Variants in PNLIP observed in about 807,000 individuals in gnomAD.
PNLIP encodes pancreatic triacylglycerol lipase.
A neutral mutation model predicts 57.1 loss-of-function variants in PNLIP; 49 were observed. The observed-to-expected ratio is 0.86, with a 90% CI of 0.68 to 1.09. The LOEUF is 1.09. PNLIP is among the 50% of genes least tolerant of loss of function. The probability of loss-of-function intolerance (pLI) is 0.00; values close to 1 mark genes in which losing one functional copy is unlikely to be tolerated. For synonymous variants in PNLIP, 209 were observed against 200.4 expected (o/e 1.04, Z -0.36); for missense variants, 503 against 570.2 (o/e 0.88, Z 1.20).
intron 4 of PNLIP, among the ~76,000 whole-genome samples, chr10:116,549,322 A>T (rs191326342): frequency 9.0e-4 from 136 of 151,830 alleles, no homozygotes; most frequent in African/African-American, 3.1e-3. Flanking sequence ...CTAAAACTAT[A>T]AAAAAAATTA....
At position 116,551,406 on chromosome 10, in the gene PNLIP, A is replaced by G. The variant is rs114221536; in HGVS notation, c.459+174A>G. The G allele has an allele frequency of 6.4e-3, 2,745 of 429,506 alleles. 67 individuals carry two copies. Among genetic ancestry groups the G allele is most frequent in the African/African-American group, 0.051 (2,488 of 49,196 alleles). 26.6% of individuals were successfully genotyped at this position (429,506 alleles called of 1,614,324 possible). On this transcript the variant is annotated intron_variant, in intron 5 of 12. Coordinates refer to ENST00000369221, the MANE Select transcript of PNLIP (RefSeq NM_000936.4). Reference sequence around the variant, plus strand: ...TAAAAAAAATCTAGCTTTGGGTTTCATCAATAACCCATTATGTTAATAAAC... The same window carrying G: ...TAAAAAAAATCTAGCTTTGGGTTTCGTCAATAACCCATTATGTTAATAAAC...
chr10:116,555,807 A>G (rs1847247190), intron 8 of PNLIP, among the ~76,000 whole-genome samples, 193 bp from the exon 9 acceptor site: 2 of 152,180 alleles, frequency 1.3e-5, no homozygotes, highest in South Asian at 4.1e-4. Context: ...AGTATTACCT[A>G]TTATAATCTT....
chr10:116,565,751 G>C (rs1318315289), intron 12 of PNLIP, among the ~76,000 whole-genome samples: 2 of 151,976 alleles, frequency 1.3e-5, no homozygotes, highest in Non-Finnish European at 2.9e-5. Context: ...TTTGGTGTTC[G>C]ATATTTACCC....
chr10:116,549,836 T>A (rs1847171524), intron 4 of PNLIP, among the ~76,000 whole-genome samples: 2 of 152,202 alleles, frequency 1.3e-5, no homozygotes, highest in South Asian at 4.1e-4. Flanking sequence ...TGTTTTTGTT[T>A]TGTTTTGTTC....
Position 116,548,118 on chromosome 10 carries a change from G to A in PNLIP, c.202-242G>A, listed in dbSNP as rs960537927. 2.0e-5 allele frequency among the ~76,000 whole-genome samples: 3 copies of A among 151,716 alleles called. No individual in the cohort carries two copies. The South Asian group carries it at 6.3e-4, about 32-fold the overall frequency. On this transcript the variant is annotated intron_variant, in intron 3 of 12. Transcript: ENST00000369221. ...AAAGCCTTCCATTGTATGAAGAAAA[G>A]ATCATTACCACCAAGATTATAACAG...
chr10:116,563,013 T>A (rs974649470), intron 12 of PNLIP, among the ~76,000 whole-genome samples: 4 of 152,132 alleles, frequency 2.6e-5, no homozygotes, highest in Non-Finnish European at 4.4e-5. Context: ...TTCCCAGGTA[T>A]ATAAAGAAGC....
At chr10:116,562,598 A>G (rs1847325770) in intron 12 of PNLIP, among the ~76,000 whole-genome samples, 1 of 152,190 alleles carries the variant, frequency 6.6e-6, no homozygotes, top group African/African-American at 2.4e-5. Flanking sequence ...ACCAGAGAGG[A>G]GAGAGTTGCT....
chr10:116,546,255 A>G (rs1289783530), intron 2 of PNLIP, 117 bp downstream of exon 2: 9 of 866,216 alleles, frequency 1.0e-5, no homozygotes, highest in Non-Finnish European at 1.7e-5. Flanking sequence ...TCAAGGAGTA[A>G]AGCACAGGAG....
chr10:116,566,663 G>A (rs184218535), intron 12 of PNLIP, among the ~76,000 whole-genome samples: 49 of 152,218 alleles, frequency 3.2e-4, no homozygotes, highest in Admixed American at 1.4e-3. Context: ...TTAAGGTACT[G>A]TTTCTGAATT....
chr10:116,563,257 T>C (rs936998538), intron 12 of PNLIP, among the ~76,000 whole-genome samples: 2 of 152,184 alleles, frequency 1.3e-5, no homozygotes, highest in South Asian at 2.1e-4. Flanking sequence ...AGTTCCATTA[T>C]ATGTACCAGT....
At position 116,560,471 on chromosome 10, in the gene PNLIP, A is replaced by T; in HGVS notation, c.1116A>T (p.Ile372=). The T allele has an allele frequency of 1.2e-6, 2 of 1,609,204 alleles. No homozygotes were observed. Among genetic ancestry groups the T allele is most frequent in the Non-Finnish European group, 1.7e-6 (2 of 1,176,868 alleles). The change falls in exon 11 of 13, where the codon ATA becomes ATT. Residue 372 remains isoleucine, a synonymous_variant. Transcript: ENST00000369221. ...TLSGKKVTGH[I]LVSLFGNKGN... Reference sequence around the variant, plus strand: ...CTGGAAAAAAGGTTACAGGACACATACTAGTTTCTTTGTTCGGAAATAAAG... The same window carrying T: ...CTGGAAAAAAGGTTACAGGACACATTCTAGTTTCTTTGTTCGGAAATAAAG...
intron 12 of PNLIP, among the ~76,000 whole-genome samples, chr10:116,562,254 T>C (rs1847322992): frequency 6.6e-6 from 1 of 152,182 alleles, no homozygotes; most frequent in African/African-American, 2.4e-5. Context: ...CCTTCCATCC[T>C]CATAAAAACC....
intron 6 of PNLIP, among the ~76,000 whole-genome samples, 181 bp from the exon 7 acceptor site, chr10:116,554,997 G>A (rs923425157): frequency 2.0e-5 from 3 of 152,168 alleles, no homozygotes; most frequent in Non-Finnish European, 4.4e-5. Flanking sequence ...ATGAGGAAAG[G>A]CATATTGTTT....
chr10:116,558,033 T>C (rs1185746416), intron 9 of PNLIP, among the ~76,000 whole-genome samples: 4 of 150,960 alleles, frequency 2.6e-5, no homozygotes, highest in Non-Finnish European at 5.9e-5. Context: ...GGCAGGTGGA[T>C]CAGGAAGTCA....
intron 5 of PNLIP, among the ~76,000 whole-genome samples, chr10:116,552,336 T>C (rs918730649): frequency 6.6e-6 from 1 of 152,158 alleles, no homozygotes; most frequent in African/African-American, 2.4e-5. Context: ...GCTTCATGCA[T>C]GTTATTGCCC....
chr10:116,560,342 G>T, intron 10 of PNLIP, 74 bp from the exon 11 acceptor site: 1 of 718,478 alleles, frequency 1.4e-6, no homozygotes, highest in South Asian at 1.7e-5. Flanking sequence ...CGTGGCAGTA[G>T]TGGGATGCAA....
chr10:116,567,840 A>C lies in PNLIP; in HGVS notation c.*42A>C, dbSNP rs529698678. The C allele has an allele frequency of 6.9e-7, 1 of 1,443,224 alleles. No individual in the cohort carries two copies. The highest frequency in any genetic ancestry group is 2.3e-5 in the East Asian group (1 of 44,134). The allele number at this position is 1,443,224 out of a possible 1,614,324, so 89.4% of individuals were successfully genotyped here. A position where few individuals can be genotyped will look rare whatever the true frequency, so the allele number is the denominator to read the frequency against. ...GACCAATGAATTGACTTCTAATAAA[A>C]TCTAGTGGTGATGCATTACATGCCT... is the stretch of plus-strand genomic sequence containing the variant. On this transcript the variant is annotated 3_prime_UTR_variant, in exon 13 of 13. Transcript: ENST00000369221.
intron 4 of PNLIP, 76 bp from the exon 5 acceptor site, chr10:116,551,022 T>C: frequency 8.1e-7 from 1 of 1,239,754 alleles, no homozygotes; most frequent in Non-Finnish European, 1.1e-6. Context: ...GAATTTATCC[T>C]AGTCCTCCAG....
rs1204781178 is a variant in PNLIP at position 116,560,537 on chromosome 10, A to G, written c.1169+13A>G. The G allele has an allele frequency of 4.4e-6, 5 of 1,135,300 alleles. No homozygotes were observed. Among genetic ancestry groups the G allele is most frequent in the Non-Finnish European group, 6.5e-6 (5 of 771,758 alleles). The allele number at this position is 1,135,300 out of a possible 1,614,324, so 70.3% of individuals were successfully genotyped here. On this transcript the variant is annotated intron_variant, in intron 11 of 12. Coordinates refer to ENST00000369221, the MANE Select transcript of PNLIP (RefSeq NM_000936.4). ...ATGAAATTTTCAAGTGAGTAAAATA[A>G]TATTGCTCTATGCTTTTTTTTTTTT...
Sources: gnomAD v4.1 joint callset for allele counts (sites outside exome capture counted in the v4.1 genomes callset) on GRCh38, gnomAD v4.1.1 for gene constraint, MANE v1.5 for transcripts, NCBI Gene and HGNC (gene_info 2026-07-23, HGNC 2026-07-21) for gene names.